WWOX: variants seen among roughly 807,000 people sequenced by gnomAD.
WWOX encodes the protein WW domain-containing oxidoreductase.
In WWOX, 69 loss-of-function variants were observed where a neutral mutation model predicts 46.2. The ratio of observed to expected loss-of-function variants is 1.49; its 90% CI spans 1.23 to 1.82. WWOX has a LOEUF of 1.82. Ranked by LOEUF, WWOX falls within the 40% of genes most tolerant of loss-of-function variation. The pLI is 0.00. For missense variants in WWOX, 919 were observed against 542.6 expected (o/e 1.69, Z -6.89); for synonymous variants, 359 against 202.6 (o/e 1.77, Z -6.56).
rs1046280826 is a variant in WWOX, at chr16:78,251,720, C to T, written c.516+87431C>T. Among the ~76,000 whole-genome samples the T allele has an allele frequency of 5.3e-5, 8 of 152,276 alleles. 1 individual carries two copies. Among genetic ancestry groups the T allele is most frequent in the Admixed American group, 1.3e-4 (2 of 15,284 alleles). On this transcript the variant is annotated intron_variant, in intron 5 of 8. Coordinates refer to ENST00000566780, the MANE Select transcript of WWOX (RefSeq NM_016373.4). ...GCCACTTCCTTGCTTGTTACCTTGT[C>T]CAACAGCTGATTGGCATAGTACAGA...
chr16:78,202,397 A>T (rs1443669797), intron 5 of WWOX, among the ~76,000 whole-genome samples: 2 of 152,160 alleles, frequency 1.3e-5, no homozygotes, highest in South Asian at 2.1e-4. Flanking sequence ...GGTTTCTTAA[A>T]TTCCGTCGAT....
intron 1 of WWOX, among the ~76,000 whole-genome samples, chr16:78,105,087 T>C (rs2032056221): frequency 6.6e-6 from 1 of 152,244 alleles, no homozygotes; most frequent in South Asian, 2.1e-4. Flanking sequence ...CTGGAGATGC[T>C]TTCTGTTGCC....
In WWOX at chr16:78,212,013, T is replaced by G. The variant is rs914840920; in HGVS notation, c.516+47724T>G. Among the ~76,000 whole-genome samples the G allele has an allele frequency of 1.3e-4, 20 of 152,350 alleles. 1 individual carries two copies. The highest frequency in any genetic ancestry group is 4.3e-4 in the African/African-American group (18 of 41,582). The stretch of plus-strand genomic sequence containing the variant: ...CATAATCATGGGAGCTCTATTTATT[T>G]GAACATCTTCTTTTGTTATTATTTG... On this transcript the variant is annotated intron_variant, in intron 5 of 8. Transcript: ENST00000566780.
At chr16:79,156,972 G>A (rs544805408) in intron 8 of WWOX, among the ~76,000 whole-genome samples, 1 of 152,214 alleles carries the variant, frequency 6.6e-6, no homozygotes, top group Non-Finnish European at 1.5e-5. Flanking sequence ...GATGATTGTT[G>A]CAGATACCCT....
chr16:79,212,033 G>C lies in WWOX; in HGVS notation c.*237G>C, dbSNP rs2288035. 104,588 of 1,536,218 alleles carry C rather than the reference G, an allele frequency of 0.068. 4,268 individuals carry two copies. The highest frequency in any genetic ancestry group is 0.22 in the East Asian group (8,930 of 40,904). On this transcript the variant is annotated 3_prime_UTR_variant, in exon 9 of 9. Coordinates refer to ENST00000566780, the MANE Select transcript of WWOX (RefSeq NM_016373.4). ...GCATAGGTCTCTTTGCTTTCTGGTG[G>C]TGGCCTGTTTGAAAGTAAAAACCTG...
rs866952862 is a variant in WWOX, at chr16:78,245,340, C to G, written c.516+81051C>G. Reference sequence around the variant, plus strand: ...TTTTCAGTCGTCATTTCCATGGCCACGAACATCTTTGGTTCTAAAGCATTT... The same window carrying G: ...TTTTCAGTCGTCATTTCCATGGCCAGGAACATCTTTGGTTCTAAAGCATTT... On this transcript the variant is annotated intron_variant, in intron 5 of 8. Transcript: ENST00000566780. Among the ~76,000 whole-genome samples, 7 of 152,228 alleles carry G rather than the reference C, an allele frequency of 4.6e-5. No individual in the cohort carries two copies. The South Asian group carries it at 1.5e-3, about 32-fold the overall frequency.
At chr16:78,533,209 C>T (rs769318747) in intron 8 of WWOX, among the ~76,000 whole-genome samples, 17 of 151,972 alleles carry the variant, frequency 1.1e-4, no homozygotes, top group African/African-American at 2.4e-4. Flanking sequence ...ACAGAGTTGA[C>T]GGAGAGGGGA....
At chr16:78,141,596 C>G (rs1183682350) in intron 4 of WWOX, among the ~76,000 whole-genome samples, 1 of 152,066 alleles carries the variant, frequency 6.6e-6, no homozygotes, top group Non-Finnish European at 1.5e-5. Context: ...AATCCCTACA[C>G]TTTATGGGAA....
chr16:78,733,255 T>C lies in WWOX; in HGVS notation c.1056+300503T>C, dbSNP rs149692677. On this transcript the variant is annotated intron_variant, in intron 8 of 8. Coordinates refer to ENST00000566780, the MANE Select transcript of WWOX (RefSeq NM_016373.4). The stretch of plus-strand genomic sequence containing the variant: ...AAAGGATCCCTGAAAATAAATATAC[T>C]GCCAGCCTGGGCAACATAGGGAGAT... Among the ~76,000 whole-genome samples the C allele has an allele frequency of 5.2e-3, 797 of 152,278 alleles. 6 individuals are homozygous for C. The highest frequency in any genetic ancestry group is 0.018 in the African/African-American group (751 of 41,564).
chr16:79,005,796 A>G (rs2047178859), intron 8 of WWOX, among the ~76,000 whole-genome samples: 1 of 152,190 alleles, frequency 6.6e-6, no homozygotes, highest in Non-Finnish European at 1.5e-5. Context: ...CTGGGTGGAC[A>G]TGCATTTTAG....
chr16:78,306,618 C>A (rs570830119), intron 5 of WWOX, among the ~76,000 whole-genome samples: 1 of 152,172 alleles, frequency 6.6e-6, no homozygotes, highest in Non-Finnish European at 1.5e-5. Context: ...TGCCTTCCCA[C>A]AATTCCCAGT....
At chr16:78,562,152 A>G (rs576688161) in intron 8 of WWOX, among the ~76,000 whole-genome samples, 60 of 152,302 alleles carry the variant, frequency 3.9e-4, no homozygotes, top group Admixed American at 6.5e-4. Context: ...ATTTGATCCA[A>G]GCTCTCTGGA....
intron 8 of WWOX, chr16:78,996,376 ACCCCCGCC>A: frequency 1.3e-5 from 6 of 470,190 alleles, no homozygotes; most frequent in Non-Finnish European, 1.2e-5. Context: ...TTCTGCACCC[ACCCCCGCC>A]CCCCAGCTTC....
At chr16:78,928,378 A>ATTTTGTTTTGTTT (rs2045548559) in intron 8 of WWOX, among the ~76,000 whole-genome samples, 1 of 151,012 alleles carries the variant, frequency 6.6e-6, no homozygotes, top group Admixed American at 6.6e-5. Flanking sequence ...AATTTTTTGT[A>ATTTTGTTTTGTTT]TTTTTAGTAG....
chr16:79,044,535 C>T (rs771192753), intron 8 of WWOX, among the ~76,000 whole-genome samples: 1 of 152,200 alleles, frequency 6.6e-6, no homozygotes, highest in Non-Finnish European at 1.5e-5. Context: ...GCCTGCTCCG[C>T]CTTCTCCTTC....
intron 6 of WWOX, among the ~76,000 whole-genome samples, chr16:78,389,149 C>G (rs955592530): frequency 3.3e-5 from 5 of 152,212 alleles, no homozygotes; most frequent in South Asian, 2.1e-4. Flanking sequence ...TGAGAGAGCC[C>G]TCCTGTGTGT....
intron 5 of WWOX, among the ~76,000 whole-genome samples, chr16:78,233,016 T>G (rs1249958304): frequency 2.0e-5 from 3 of 152,224 alleles, no homozygotes; most frequent in African/African-American, 7.2e-5. Flanking sequence ...TAATTTGTAA[T>G]TGTTTGTTTC....
At chr16:79,064,747 G>T (rs898511761) in intron 8 of WWOX, among the ~76,000 whole-genome samples, 1 of 152,188 alleles carries the variant, frequency 6.6e-6, no homozygotes, top group Non-Finnish European at 1.5e-5. Context: ...TATTCCATGT[G>T]TGTGGGTCAG....
chr16:78,122,942 A>G (rs1474875789), intron 4 of WWOX, among the ~76,000 whole-genome samples: 1 of 151,974 alleles, frequency 6.6e-6, no homozygotes. Context: ...AAGCAGAACC[A>G]TCTTTATATA....
Sources: allele counts gnomAD v4.1 joint callset (sites outside exome capture counted in the v4.1 genomes callset), GRCh38; gene constraint gnomAD v4.1.1; transcripts MANE v1.5; gene names NCBI Gene and HGNC (gene_info 2026-07-23, HGNC 2026-07-21).